The following DARS1 variants were observed in gnomAD, a reference collection of about 807,000 sequenced individuals.
DARS1 encodes aspartate--tRNA ligase, cytoplasmic.
Under a neutral mutation model 68.8 loss-of-function variants are expected in DARS1, and 51 were observed. The ratio of observed to expected loss-of-function variants is 0.74; its 90% CI spans 0.59 to 0.94. The LOEUF is 0.94. Ranked by LOEUF, DARS1 falls within the 40% of genes least tolerant of loss-of-function variation. The pLI is 0.00. For missense variants in DARS1, 607 were observed against 597.3 expected, an observed-to-expected ratio of 1.02 and a Z score of -0.17; for synonymous variants, 203 against 190.4, an observed-to-expected ratio of 1.07 and a Z score of -0.55.
chr2:135,944,722 T>C (rs543775642), intron 4 of DARS1, among the ~76,000 whole-genome samples: 1 of 152,324 alleles, frequency 6.6e-6, no homozygotes, highest in African/African-American at 2.4e-5. Flanking sequence ...TGAACTAAGA[T>C]AAGGCTCTTC....
intron 3 of DARS1, among the ~76,000 whole-genome samples, chr2:135,967,788 C>G (rs994883013): frequency 6.6e-6 from 1 of 152,146 alleles, no homozygotes; most frequent in African/African-American, 2.4e-5. Context: ...CTAGAAACTG[C>G]CACCATGAGT....
At chr2:135,908,525 C>T (rs567409798) in intron 15 of DARS1, among the ~76,000 whole-genome samples, 1 of 152,182 alleles carries the variant, frequency 6.6e-6, no homozygotes, top group South Asian at 2.1e-4. Context: ...TTTAAAATTC[C>T]CACCAACAGT....
intron 11 of DARS1, 71 bp from the exon 12 acceptor site, chr2:135,914,582 TCTA>T (rs2104795283): frequency 2.2e-6 from 2 of 897,486 alleles, no homozygotes; most frequent in East Asian, 4.8e-5. Flanking sequence ...AGGAACTTCT[TCTA>T]TTTGAGTTTC....
intron 3 of DARS1, among the ~76,000 whole-genome samples, chr2:135,965,976 T>C (rs189697227): frequency 4.1e-4 from 62 of 152,294 alleles, no homozygotes; most frequent in Non-Finnish European, 5.9e-4. Flanking sequence ...GGAAACAAAA[T>C]TGTTCTTTCT....
intron 4 of DARS1, among the ~76,000 whole-genome samples, chr2:135,954,566 T>C (rs1379204808): frequency 2.0e-5 from 3 of 152,190 alleles, no homozygotes; most frequent in South Asian, 4.1e-4. Context: ...GTACTGTAAC[T>C]TTTGGGTCTG....
chr2:135,945,021 T>C (rs1436813546), intron 4 of DARS1, among the ~76,000 whole-genome samples: 1 of 152,176 alleles, frequency 6.6e-6, no homozygotes, highest in Admixed American at 6.5e-5. Flanking sequence ...CCTGACCCCT[T>C]GGTCCCCTCG....
chr2:135,940,312 C>T (rs572142129), intron 5 of DARS1, among the ~76,000 whole-genome samples: 1 of 152,146 alleles, frequency 6.6e-6, no homozygotes, highest in African/African-American at 2.4e-5. Flanking sequence ...TTATCCACTA[C>T]CATTAAGCTG....
intron 3 of DARS1, among the ~76,000 whole-genome samples, chr2:135,968,997 C>T (rs309154): frequency 0.18 from 27,977 of 151,762 alleles, 2,824 homozygotes; most frequent in Middle Eastern, 0.4. Flanking sequence ...GGAAAAATAA[C>T]GAAACCATGG....
At chr2:135,952,273 A>C (rs1681854551) in intron 4 of DARS1, among the ~76,000 whole-genome samples, 1 of 151,558 alleles carries the variant, frequency 6.6e-6, no homozygotes, top group Non-Finnish European at 1.5e-5. Context: ...CCATTAATGA[A>C]GTTTTTTTTT....
chr2:135,942,680 T>A (rs1681629610), intron 5 of DARS1, among the ~76,000 whole-genome samples: 2 of 152,002 alleles, frequency 1.3e-5, no homozygotes. Flanking sequence ...AAATGGAAAC[T>A]GAAAAATAAA....
intron 13 of DARS1, 158 bp from the exon 14 acceptor site, chr2:135,911,651 T>C: frequency 3.7e-6 from 2 of 537,156 alleles, no homozygotes; most frequent in Non-Finnish European, 3.3e-6. Flanking sequence ...TACTGAGGGC[T>C]GAATAACTTT....
chr2:135,959,704 T>C (rs530408703), intron 4 of DARS1, among the ~76,000 whole-genome samples: 1 of 152,326 alleles, frequency 6.6e-6, no homozygotes, highest in East Asian at 1.9e-4. Context: ...ACACATCACA[T>C]GGATTAACCG....
In DARS1 at chr2:135,943,367, A is replaced by G; in HGVS notation, c.423+11T>C. The G allele has an allele frequency of 2.5e-6, 4 of 1,603,590 alleles. No homozygotes were observed. Among genetic ancestry groups the G allele is most frequent in the Non-Finnish European group, 3.4e-6 (4 of 1,176,220 alleles). ...TTTCTATATGCGATTTTATATTTTG[A>G]AAAAACTTACCTTCTGAACATGTAA... On this transcript the variant is annotated intron_variant, in intron 5 of 15. Transcript: ENST00000264161.
chr2:135,930,418 G>A (rs1213172678), intron 7 of DARS1, among the ~76,000 whole-genome samples: 1 of 152,150 alleles, frequency 6.6e-6, no homozygotes, highest in Admixed American at 6.5e-5. Context: ...CTTGGCATGT[G>A]AAACCAAGTG....
rs574674537 is a variant in DARS1 at position 135,913,554 on chromosome 2, C to A, written c.1149+915G>T. 2.0e-4 allele frequency among the ~76,000 whole-genome samples: 30 copies of A among 152,048 alleles called. No homozygotes were observed. The South Asian group carries it at 6.2e-3, about 32-fold the overall frequency. ...GGTGAATCACCTGAGGTCAGGAGTT[C>A]GAGACCAGCCTGGCCTACATGGTGA... On this transcript the variant is annotated intron_variant, in intron 12 of 15. Transcript: ENST00000264161.
chr2:135,975,730 T>C (rs1204481392), intron 3 of DARS1, among the ~76,000 whole-genome samples: 2 of 135,248 alleles, frequency 1.5e-5, no homozygotes, highest in East Asian at 4.2e-4. Context: ...CTCCAGCCTG[T>C]GTGACAGGGC....
Position 135,907,398 on chromosome 2 carries a change from C to T in DARS1, c.1424G>A (p.Arg475Gln), listed in dbSNP as rs1680811013. 3 of 1,610,234 alleles carry T rather than the reference C, an allele frequency of 1.9e-6. No homozygotes were observed. The highest frequency in any genetic ancestry group is 1.6e-4 in the Middle Eastern group (1 of 6,070). Residue 475 changes from arginine to glutamine, a missense_variant, in exon 16 of 16, where the codon CGA becomes CAA. Arg to Gln is a conservative substitution (Grantham distance 43). Coordinates refer to ENST00000264161, the MANE Select transcript of DARS1 (RefSeq NM_001349.4). The stretch of plus-strand genomic sequence containing the variant: ...CAATCCCAGAAACAGCATAGTAACT[C>T]GTTCCAATCCTGGGGAAGACAAAAA... Reference protein sequence around the residue: ...PHAGGGIGLERVTMLFLGLHN... With the variant: ...PHAGGGIGLEQVTMLFLGLHN...
chr2:135,983,686 C>CT (rs1180150248), intron 1 of DARS1, among the ~76,000 whole-genome samples: 2 of 152,146 alleles, frequency 1.3e-5, no homozygotes, highest in South Asian at 2.1e-4. Flanking sequence ...ATCACCACTC[C>CT]TAGATGGATT....
At chr2:135,985,152 C>T (rs1218356393) in intron 1 of DARS1, 3 of 557,590 alleles carry the variant, frequency 5.4e-6, no homozygotes, top group African/African-American at 3.7e-5. Context: ...GCTGGTTCTT[C>T]CCGTCCTCCC....
Sources: gnomAD v4.1 joint callset for allele counts (sites outside exome capture counted in the v4.1 genomes callset) on GRCh38, gnomAD v4.1.1 for gene constraint, MANE v1.5 for transcripts, NCBI Gene and HGNC (gene_info 2026-07-23, HGNC 2026-07-21) for gene names.